ATOSA: variants seen among roughly 807,000 people sequenced by gnomAD.
ATOSA encodes the protein atos homolog protein A.
chr15:52,582,095 T>C, the ATOSA span: 2 of 1,372,278 alleles, frequency 1.5e-6, no homozygotes, highest in South Asian at 1.5e-5. Context: ...CTCCATTCTA[T>C]GCTAATTTTT....
chr15:52,585,089 C>T, the ATOSA span: 3 of 585,992 alleles, frequency 5.1e-6, no homozygotes, highest in Non-Finnish European at 8.3e-6. Flanking sequence ...AAAATTAACA[C>T]AATTTCAAAA....
the ATOSA span, among the ~76,000 whole-genome samples, chr15:52,589,947 C>G: frequency 6.6e-6 from 1 of 151,910 alleles, no homozygotes; most frequent in Non-Finnish European, 1.5e-5. Flanking sequence ...ACCATCACGC[C>G]CAGCTAATTT....
At chr15:52,644,743 T>G in the ATOSA span, among the ~76,000 whole-genome samples, 1 of 152,194 alleles carries the variant, frequency 6.6e-6, no homozygotes, top group South Asian at 2.1e-4. Context: ...AAGGAAACAT[T>G]TGTTTAAAAT....
chr15:52,644,253 G>C, the ATOSA span, among the ~76,000 whole-genome samples: 1 of 151,848 alleles, frequency 6.6e-6, no homozygotes, highest in Non-Finnish European at 1.5e-5. Flanking sequence ...CTATTCTTAT[G>C]GAGGAAAAAT....
the ATOSA span, chr15:52,611,107 T>C: frequency 6.8e-7 from 1 of 1,477,148 alleles, no homozygotes; most frequent in Non-Finnish European, 9.1e-7. Flanking sequence ...CGCACTGTCC[T>C]TTTTTTTTGG....
At chr15:52,610,014 T>C in the ATOSA span, 30 of 1,613,944 alleles carry the variant, frequency 1.9e-5, no homozygotes, top group East Asian at 2.9e-4. Flanking sequence ...TGCCTGGATA[T>C]AGTTTGATAT....
chr15:52,613,651 G>A, the ATOSA span: 89 of 1,608,228 alleles, frequency 5.5e-5, no homozygotes, highest in Non-Finnish European at 6.9e-5. Context: ...AAGATACAAA[G>A]CATTCAACAC....
the ATOSA span, chr15:52,629,512 A>G: frequency 8.9e-6 from 2 of 225,406 alleles, no homozygotes; most frequent in South Asian, 4.2e-5. Context: ...TAGTTAAAAA[A>G]AAAAAAAAAG....
the ATOSA span, among the ~76,000 whole-genome samples, chr15:52,700,650 G>C: frequency 1.3e-5 from 2 of 152,288 alleles, no homozygotes; most frequent in Admixed American, 1.3e-4. Context: ...GAATGCTGCA[G>C]ACCAAGATGT....
the ATOSA span, among the ~76,000 whole-genome samples, chr15:52,637,891 A>T: frequency 6.6e-6 from 1 of 152,202 alleles, no homozygotes; most frequent in African/African-American, 2.4e-5. Flanking sequence ...GAATACCTGA[A>T]TATTAGGATT....
At chr15:52,666,926 G>T in the ATOSA span, among the ~76,000 whole-genome samples, 52 of 152,004 alleles carry the variant, frequency 3.4e-4, no homozygotes, top group Non-Finnish European at 5.9e-4. Flanking sequence ...GTCCGAGAAG[G>T]CTTCTTTGAT....
the ATOSA span, among the ~76,000 whole-genome samples, chr15:52,691,093 G>A: frequency 6.6e-6 from 1 of 152,024 alleles, no homozygotes; most frequent in Admixed American, 6.6e-5. Flanking sequence ...CCTGTTAAGT[G>A]CTTTAGAGTT....
At chr15:52,654,592 T>G in the ATOSA span, among the ~76,000 whole-genome samples, 1 of 152,132 alleles carries the variant, frequency 6.6e-6, no homozygotes, top group Non-Finnish European at 1.5e-5. Context: ...GGAACACACT[T>G]AGCATGGTCG....
the ATOSA span, chr15:52,648,741 C>T: frequency 6.6e-6 from 1 of 152,036 alleles, no homozygotes; most frequent in Non-Finnish European, 1.5e-5. Context: ...TGACAGATGA[C>T]AGGAAGCTTA....
At chr15:52,615,108 C>T in the ATOSA span, among the ~76,000 whole-genome samples, 2 of 152,114 alleles carry the variant, frequency 1.3e-5, no homozygotes. Context: ...TGTGCTTTTA[C>T]TATATAGTAA....
chr15:52,609,573 T>C, the ATOSA span: 1 of 1,613,458 alleles, frequency 6.2e-7, no homozygotes. Context: ...TTTCTGGTTT[T>C]AGTCGAATTT....
At chr15:52,593,597 T>C in the ATOSA span, 2 of 1,573,252 alleles carry the variant, frequency 1.3e-6, no homozygotes, top group Non-Finnish European at 8.6e-7. Context: ...AGAGGGAGCA[T>C]TGTCATCTGA....
chr15:52,668,494 T>C, the ATOSA span, among the ~76,000 whole-genome samples: 2 of 152,204 alleles, frequency 1.3e-5, no homozygotes, highest in African/African-American at 4.8e-5. Flanking sequence ...TACTGCATAG[T>C]AGGATGACTA....
the ATOSA span, among the ~76,000 whole-genome samples, chr15:52,584,239 G>C: frequency 6.6e-6 from 1 of 150,750 alleles, no homozygotes; most frequent in African/African-American, 2.4e-5. Flanking sequence ...CCACCTCCCG[G>C]GTTCAAGCAA....
Sources: allele counts gnomAD v4.1 joint callset (sites outside exome capture counted in the v4.1 genomes callset), GRCh38; gene constraint gnomAD v4.1.1; transcripts MANE v1.5; gene names NCBI Gene and HGNC (gene_info 2026-07-23, HGNC 2026-07-21).